NTN1: variants seen among roughly 807,000 people sequenced by gnomAD.
NTN1 encodes the protein netrin 1, also known as netrin-1.
NTN1 carries 11 observed loss-of-function variants against 54.2 expected under a neutral mutation model. That is an observed-to-expected ratio of 0.20 (90% CI 0.13 to 0.34). The LOEUF (loss-of-function observed/expected upper bound fraction) is 0.34, where lower values mean the gene tolerates loss of function less well. NTN1 is among the 10% of genes least tolerant of loss of function. The pLI is 1.00. For missense variants in NTN1, 740 were observed against 893.1 expected (o/e 0.83, Z 2.18); for synonymous variants, 371 against 382.0 (o/e 0.97, Z 0.33).
Position 9,240,868 on chromosome 17 carries a change from C to G in NTN1, c.*900C>G, listed in dbSNP as rs1387821134. On this transcript the variant is annotated 3_prime_UTR_variant, in exon 7 of 7. Coordinates refer to ENST00000173229, the MANE Select transcript of NTN1 (RefSeq NM_004822.3). Reference sequence around the variant, plus strand: ...TGCCTGTTGGAGGAGGCATCGCAAACGCAAAACCTCCCAGAGAGTTTCCTT... The same window carrying G: ...TGCCTGTTGGAGGAGGCATCGCAAAGGCAAAACCTCCCAGAGAGTTTCCTT... The G allele has an allele frequency of 6.6e-6, 1 of 152,276 alleles. No homozygotes were observed. Among genetic ancestry groups the G allele is most frequent in the African/African-American group, 2.4e-5 (1 of 41,464 alleles). 9.4% of individuals were successfully genotyped at this position (152,276 alleles called of 1,614,324 possible). A position where few individuals can be genotyped will look rare whatever the true frequency, so the allele number is the denominator to read the frequency against.
intron 2 of NTN1, among the ~76,000 whole-genome samples, chr17:9,081,645 A>G (rs2092071625): frequency 6.6e-6 from 1 of 152,134 alleles, no homozygotes; most frequent in Admixed American, 6.5e-5. Flanking sequence ...TCGCAGAGAG[A>G]GCTCTGGCCT....
chr17:9,229,091 ACTGAGACTGTGACTGT>A (rs372078431), intron 6 of NTN1, among the ~76,000 whole-genome samples: 120,911 of 146,884 alleles, frequency 0.82, 48,642 homozygotes, highest in African/African-American at 0.87. Context: ...TGTGTGTGTG[ACTGAGACTGTGACTGT>A]GAGTGTGTGA....
At chr17:9,204,193 CTCCTTCCTTCCTTCCT>C (rs377435744) in intron 5 of NTN1, among the ~76,000 whole-genome samples, 2 of 147,046 alleles carry the variant, frequency 1.4e-5, no homozygotes, top group Non-Finnish European at 3.0e-5. Context: ...CCTTCCTTCC[CTCCTTCCTTCCTTCCT>C]TCCTTCCTTC....
intron 2 of NTN1, among the ~76,000 whole-genome samples, chr17:9,042,766 G>A (rs1432858679): frequency 4.7e-5 from 7 of 150,440 alleles, no homozygotes; most frequent in Non-Finnish European, 1.0e-4. Flanking sequence ...CAGACTGGGC[G>A]ATAGTGCGAG....
chr17:9,181,330 C>T (rs1197763739), intron 4 of NTN1, among the ~76,000 whole-genome samples: 3 of 152,136 alleles, frequency 2.0e-5, no homozygotes, highest in Non-Finnish European at 1.5e-5. Context: ...CAGCCATGGG[C>T]CCTGTGTGTG....
intron 2 of NTN1, among the ~76,000 whole-genome samples, chr17:9,136,109 C>T (rs921616591): frequency 2.6e-5 from 4 of 152,220 alleles, no homozygotes; most frequent in African/African-American, 9.6e-5. Context: ...AACTGAGTCA[C>T]AGCTTGACAA....
chr17:9,007,526 T>TTCCC, the NTN1 span, among the ~76,000 whole-genome samples: 1 of 150,734 alleles, frequency 6.6e-6, no homozygotes, highest in Non-Finnish European at 1.5e-5. Context: ...TCTTTCTTCC[T>TTCCC]TCCCTCCCTC....
intron 2 of NTN1, among the ~76,000 whole-genome samples, chr17:9,108,425 G>A (rs768456157): frequency 2.0e-5 from 3 of 152,168 alleles, no homozygotes; most frequent in Admixed American, 1.3e-4. Flanking sequence ...CACACGCAGA[G>A]GCTACTGTGA....
At chr17:9,170,275 G>A (rs1021717931) in intron 3 of NTN1, among the ~76,000 whole-genome samples, 2 of 152,186 alleles carry the variant, frequency 1.3e-5, no homozygotes, top group East Asian at 1.9e-4. Context: ...GAGGATGTCC[G>A]GGCATGTAGC....
At position 9,031,807 on chromosome 17, in the gene NTN1, A is replaced by AC. The variant is rs1166758190; in HGVS notation, c.1018+8416_1018+8417insC. On this transcript the variant is annotated intron_variant, in intron 2 of 6. Coordinates refer to ENST00000173229, the MANE Select transcript of NTN1 (RefSeq NM_004822.3). Reference sequence around the variant, plus strand: ...TAAAAATACAAAAACAAACAAACAAAAAAAACTAGCCTGGCATGGTGGCCC... The same window carrying AC: ...TAAAAATACAAAAACAAACAAACAAACAAAAACTAGCCTGGCATGGTGGCCC... Among the ~76,000 whole-genome samples, 449 of 152,060 alleles carry AC rather than the reference A, an allele frequency of 3.0e-3. 2 individuals carry two copies. Among genetic ancestry groups the AC allele is most frequent in the African/African-American group, 0.01 (434 of 41,488 alleles).
At position 9,083,581 on chromosome 17, in the gene NTN1, T is replaced by C. The variant is rs531636258; in HGVS notation, c.1018+60190T>C. Among the ~76,000 whole-genome samples the C allele has an allele frequency of 5.3e-5, 8 of 152,344 alleles. No individual in the cohort carries two copies. In the South Asian group the frequency reaches 1.7e-3, roughly 32 times the overall value. ...TTGTAAATAAGGTACCTAGCTCTTC[T>C]GTGGGGGATTCTGGAAACTAGCCTT... On this transcript the variant is annotated intron_variant, in intron 2 of 6. Transcript: ENST00000173229.
chr17:9,043,057 T>A (rs1044439242), intron 2 of NTN1, among the ~76,000 whole-genome samples: 5 of 152,362 alleles, frequency 3.3e-5, no homozygotes, highest in Middle Eastern at 6.8e-3. Flanking sequence ...TTTCAACTGC[T>A]TTTTGAGTCA....
At position 9,193,932 on chromosome 17, in the gene NTN1, A is replaced by AAAAAAAC. The variant is rs1378894970; in HGVS notation, c.1411+10969_1411+10970insCAAAAAA. ...GTGAAACTCCGACTAAAAAAAAAAA[A>AAAAAAAC]AAAAAAAAAAAACATTATGCAGGTT... On this transcript the variant is annotated intron_variant, in intron 5 of 6. Coordinates refer to ENST00000173229, the MANE Select transcript of NTN1 (RefSeq NM_004822.3). Among the ~76,000 whole-genome samples, 10 of 122,148 alleles carry AAAAAAAC rather than the reference A, an allele frequency of 8.2e-5. No individual in the cohort carries two copies. The South Asian group carries it at 2.1e-3, about 25-fold the overall frequency. The allele number at this position is 122,148 out of a possible 152,430, so 80.1% of individuals were successfully genotyped here.
chr17:9,170,093 G>A (rs754011650), intron 3 of NTN1, among the ~76,000 whole-genome samples: 49 of 152,158 alleles, frequency 3.2e-4, no homozygotes, highest in Non-Finnish European at 6.9e-4. Flanking sequence ...ACAGGTTTGG[G>A]ATGCAGAGCT....
At chr17:9,010,662 G>A in the NTN1 span, among the ~76,000 whole-genome samples, 155 of 152,132 alleles carry the variant, frequency 1.0e-3, no homozygotes, top group African/African-American at 3.3e-3. Context: ...TCCCACAAAT[G>A]GTTGCTTAAA....
intron 2 of NTN1, among the ~76,000 whole-genome samples, chr17:9,088,203 C>T (rs1366056285): frequency 1.3e-5 from 2 of 152,188 alleles, no homozygotes; most frequent in Non-Finnish European, 2.9e-5. Context: ...ACGGCCGTGC[C>T]GAGGGACTTC....
At chr17:9,105,114 G>C (rs1051282345) in intron 2 of NTN1, among the ~76,000 whole-genome samples, 2 of 152,198 alleles carry the variant, frequency 1.3e-5, no homozygotes, top group Non-Finnish European at 2.9e-5. Flanking sequence ...ATGAAAAGAC[G>C]TGGTGTTAGC....
the NTN1 span, among the ~76,000 whole-genome samples, chr17:9,013,457 C>A: frequency 6.6e-6 from 1 of 152,178 alleles, no homozygotes. Context: ...TTCAGGTGAT[C>A]TGCCCTCCTC....
intron 2 of NTN1, among the ~76,000 whole-genome samples, chr17:9,110,510 T>C (rs1407528863): frequency 6.6e-6 from 1 of 152,042 alleles, no homozygotes. Context: ...TCTCAGGTGA[T>C]CCACCTGCCT....
Sources: gnomAD v4.1 joint callset for allele counts (sites outside exome capture counted in the v4.1 genomes callset) on GRCh38, gnomAD v4.1.1 for gene constraint, MANE v1.5 for transcripts, NCBI Gene and HGNC (gene_info 2026-07-23, HGNC 2026-07-21) for gene names.